Variants in BHMT observed in about 807,000 individuals in gnomAD.
BHMT encodes the protein betaine--homocysteine S-methyltransferase 1.
BHMT carries 38 observed loss-of-function variants against 49.5 expected under a neutral mutation model. That is an observed-to-expected ratio of 0.77 (90% CI 0.59 to 1.01). The LOEUF (loss-of-function observed/expected upper bound fraction) is 1.01, where lower values mean the gene tolerates loss of function less well. Among genes scored for constraint, BHMT ranks in the 50% least tolerant of loss-of-function variants. The probability of loss-of-function intolerance (pLI) is 0.00; values close to 1 mark genes in which losing one functional copy is unlikely to be tolerated. For synonymous variants in BHMT, 166 were observed against 176.3 expected (o/e 0.94, Z 0.46); for missense variants, 426 against 495.7 (o/e 0.86, Z 1.34).
At chr5:79,125,316 C>T (rs753352341) in intron 5 of BHMT, among the ~76,000 whole-genome samples, 1 of 151,760 alleles carries the variant, frequency 6.6e-6, no homozygotes, top group African/African-American at 2.4e-5. Flanking sequence ...ATTAGCCTGT[C>T]GTGGTGGTGT....
chr5:79,125,775 AC>A (rs1488147539), intron 5 of BHMT, among the ~76,000 whole-genome samples: 2 of 151,996 alleles, frequency 1.3e-5, no homozygotes, highest in Non-Finnish European at 2.9e-5. Context: ...CTATAAAAAA[AC>A]AAACAAACAA....
At chr5:79,123,613 A>G (rs140665560) in intron 5 of BHMT, among the ~76,000 whole-genome samples, 21 of 152,176 alleles carry the variant, frequency 1.4e-4, no homozygotes, top group Middle Eastern at 3.4e-3. Flanking sequence ...GTGCAATGGC[A>G]CCGTCTTGGC....
intron 5 of BHMT, among the ~76,000 whole-genome samples, chr5:79,123,854 A>G (rs74645379): frequency 0.033 from 4,957 of 152,270 alleles, 109 homozygotes; most frequent in South Asian, 0.075. Context: ...ACCTGGCCCA[A>G]AAAAGTCCTT....
At position 79,131,358 on chromosome 5, in the gene BHMT, T is replaced by A; in HGVS notation, c.*242T>A. On this transcript the variant is annotated 3_prime_UTR_variant, in exon 8 of 8. Coordinates refer to ENST00000274353, the MANE Select transcript of BHMT (RefSeq NM_001713.3). ...GAACAGGTTCACTAAGCACCCACCC[T>A]GTGAAAAGTATTATGGAAATCACTG... 2.5e-6 allele frequency: 1 copy of A among 400,516 alleles called. No individual in the cohort carries two copies. The highest frequency in any genetic ancestry group is 4.4e-5 in the South Asian group (1 of 22,906). 24.8% of individuals were successfully genotyped at this position (400,516 alleles called of 1,614,324 possible).
chr5:79,127,590 G>A (rs1483358335), intron 6 of BHMT, among the ~76,000 whole-genome samples, 165 bp from the exon 7 acceptor site: 1 of 152,186 alleles, frequency 6.6e-6, no homozygotes, highest in African/African-American at 2.4e-5. Flanking sequence ...ACCACAGCAT[G>A]TAAAAGTGAA....
At chr5:79,114,712 G>A (rs995783610) in intron 1 of BHMT, among the ~76,000 whole-genome samples, 3 of 152,122 alleles carry the variant, frequency 2.0e-5, no homozygotes, top group Non-Finnish European at 4.4e-5. Context: ...AAAGAGTCAG[G>A]AAGCCCTATG....
intron 6 of BHMT, among the ~76,000 whole-genome samples, chr5:79,127,038 G>A (rs1756562286): frequency 6.6e-6 from 1 of 152,200 alleles, no homozygotes; most frequent in Non-Finnish European, 1.5e-5. Flanking sequence ...ACTTACTGCT[G>A]TATAACACAT....
chr5:79,112,419 T>G (rs1346058240), intron 1 of BHMT, among the ~76,000 whole-genome samples: 1 of 152,212 alleles, frequency 6.6e-6, no homozygotes, highest in Non-Finnish European at 1.5e-5. Flanking sequence ...GAGCGCCCTC[T>G]GCACCCGGCG....
chr5:79,125,909 C>T, intron 5 of BHMT, 137 bp from the exon 6 acceptor site: 1 of 870,028 alleles, frequency 1.1e-6, no homozygotes, highest in Non-Finnish European at 1.7e-6. Flanking sequence ...CGCTACTGCA[C>T]TCCAGCCTGG....
At chr5:79,120,229 CA>C in intron 3 of BHMT, 120 bp from the exon 4 acceptor site, 1 of 989,834 alleles carries the variant, frequency 1.0e-6, no homozygotes, top group South Asian at 2.0e-5. Context: ...TATTCCATAA[CA>C]GTCATTTTCT....
intron 4 of BHMT, among the ~76,000 whole-genome samples, 167 bp from the exon 5 acceptor site, chr5:79,121,051 G>A (rs554670372): frequency 3.3e-5 from 5 of 151,716 alleles, no homozygotes; most frequent in African/African-American, 1.2e-4. Flanking sequence ...CTTGGGAGGC[G>A]GAGGCAGGAG....
At chr5:79,119,769 T>C (rs1321250634) in intron 3 of BHMT, among the ~76,000 whole-genome samples, 1 of 152,338 alleles carries the variant, frequency 6.6e-6, no homozygotes, top group East Asian at 1.9e-4. Context: ...TACTTTGTGA[T>C]GTTGAACCAA....
In BHMT at chr5:79,120,491, C is replaced by T. The variant is rs1756450738; in HGVS notation, c.427C>T (p.Gln143Ter). The change falls in exon 4 of 8, where the codon CAA (glutamine) becomes TAA (stop). Residue 143 changes from glutamine (Q) to a stop codon, truncating the protein, a stop_gained. Transcript: ENST00000274353. LOFTEE classifies it high-confidence loss of function. ...AACTGAAGTCAAAAAAGTATTTCTG[C>T]AACAGTTAGAGGTCTTTATGAAGAA... ...SETEVKKVFL[Q>*]QLEVFMKKNV... 2.5e-6 allele frequency: 4 copies of T among 1,613,786 alleles called. No homozygotes were observed. Among genetic ancestry groups the T allele is most frequent in the Non-Finnish European group, 3.4e-6 (4 of 1,179,964 alleles).
intron 6 of BHMT, 132 bp from the exon 7 acceptor site, chr5:79,127,623 T>A: frequency 7.8e-7 from 1 of 1,288,838 alleles, no homozygotes; most frequent in Non-Finnish European, 1.0e-6. Flanking sequence ...AGTAGCAAAG[T>A]TTTTTCTTAA....
intron 1 of BHMT, among the ~76,000 whole-genome samples, chr5:79,112,745 A>G (rs1756323408): frequency 6.6e-6 from 1 of 152,292 alleles, no homozygotes; most frequent in African/African-American, 2.4e-5. Flanking sequence ...TGGCTATCCC[A>G]GTGGCTTGTT....
intron 5 of BHMT, 83 bp from the exon 6 acceptor site, chr5:79,125,963 C>A: frequency 1.4e-6 from 2 of 1,410,808 alleles, no homozygotes; most frequent in Non-Finnish European, 1.9e-6. Context: ...AAAAGAACTT[C>A]CTGATTCCTG....
In BHMT at chr5:79,122,469, C is replaced by T. The variant is rs143106317; in HGVS notation, c.625+1104C>T. ...TTCTCTATAATCTCTTGCAAGGAGG[C>T]TTACACCTAAAAGACATCCAATAAA... On this transcript the variant is annotated intron_variant, in intron 5 of 7. Transcript: ENST00000274353. 4.7e-3 allele frequency among the ~76,000 whole-genome samples: 720 copies of T among 152,054 alleles called. 7 individuals are homozygous for T. Among genetic ancestry groups the T allele is most frequent in the African/African-American group, 0.017 (692 of 41,434 alleles).
rs973487262 is a variant in BHMT, at chr5:79,127,649, A to G, written c.809-106A>G. ...TTTTTCTTAAATGTAAAAATTGAAT[A>G]TTGAAAACAATTCATTTATTGAAAA... On this transcript the variant is annotated intron_variant, in intron 6 of 7. Coordinates refer to ENST00000274353, the MANE Select transcript of BHMT (RefSeq NM_001713.3). 9 of 1,386,532 alleles carry G rather than the reference A, an allele frequency of 6.5e-6. No homozygotes were observed. In the African/African-American group the frequency reaches 1.3e-4, roughly 20 times the overall value. 85.9% of individuals were successfully genotyped at this position (1,386,532 alleles called of 1,614,324 possible). A position where few individuals can be genotyped will look rare whatever the true frequency, so the allele number is the denominator to read the frequency against.
At chr5:79,123,253 A>G (rs114727285) in intron 5 of BHMT, among the ~76,000 whole-genome samples, 4,450 of 152,224 alleles carry the variant, frequency 0.029, 86 homozygotes, top group South Asian at 0.075. Flanking sequence ...AAGCTGTTTC[A>G]GAGGAATGAA....
Sources: gnomAD v4.1 joint callset for allele counts (sites outside exome capture counted in the v4.1 genomes callset) on GRCh38, gnomAD v4.1.1 for gene constraint, MANE v1.5 for transcripts, NCBI Gene and HGNC (gene_info 2026-07-23, HGNC 2026-07-21) for gene names.